Variants in DAB2IP observed in about 807,000 individuals in gnomAD.
DAB2IP encodes the protein DAB2 interacting protein.
DAB2IP carries 28 observed loss-of-function variants against 107.2 expected under a neutral mutation model. That is an observed-to-expected ratio of 0.26 (90% CI 0.19 to 0.36). The LOEUF is 0.36. Ranked by LOEUF, DAB2IP falls within the 10% of genes least tolerant of loss-of-function variation. The pLI is 1.00. For synonymous variants in DAB2IP, 755 were observed against 706.4 expected, an observed-to-expected ratio of 1.07 and a Z score of -1.09; for missense variants, 1,400 against 1,644.7, an observed-to-expected ratio of 0.85 and a Z score of 2.57.
At chr9:121,641,651 A>C (rs1589440466) in intron 1 of DAB2IP, among the ~76,000 whole-genome samples, 1 of 152,012 alleles carries the variant, frequency 6.6e-6, no homozygotes, top group East Asian at 1.9e-4. Context: ...CAGGATTTGC[A>C]CCCTGGCCTG....
Position 121,569,906 on chromosome 9 carries a change from T to C in DAB2IP, c.40+2678T>C, listed in dbSNP as rs567676490. ...CTAGGCTCAAGGGATCCTTCTGTCTTAGCCTCCTGAATAGCTGTGACTACA... is the reference window on the plus strand; with the variant it reads ...CTAGGCTCAAGGGATCCTTCTGTCTCAGCCTCCTGAATAGCTGTGACTACA... On this transcript the variant is annotated intron_variant, in intron 1 of 16. Transcript: ENST00000259371. Among the ~76,000 whole-genome samples the C allele has an allele frequency of 2.0e-5, 3 of 152,264 alleles. No individual in the cohort carries two copies. The South Asian group carries it at 6.2e-4, about 32-fold the overall frequency.
intron 1 of DAB2IP, among the ~76,000 whole-genome samples, chr9:121,578,408 A>T (rs1589372584): frequency 6.7e-6 from 1 of 148,236 alleles, no homozygotes; most frequent in African/African-American, 2.5e-5. Flanking sequence ...CCCCTTCCCC[A>T]GCAGAATGGG....
At chr9:121,693,126 T>C (rs1166047760) in intron 2 of DAB2IP, among the ~76,000 whole-genome samples, 1 of 152,170 alleles carries the variant, frequency 6.6e-6, no homozygotes, top group East Asian at 1.9e-4. Context: ...TCTTGAAGCG[T>C]GGATGCTGAA....
At chr9:121,601,903 T>C (rs74373269) in intron 1 of DAB2IP, among the ~76,000 whole-genome samples, 16 of 125,802 alleles carry the variant, frequency 1.3e-4, no homozygotes, top group South Asian at 7.7e-4. Flanking sequence ...TGTGTGTGTG[T>C]GTGCGCGTGC....
At chr9:121,781,901 C>T (rs573164706) in intron 15 of DAB2IP, among the ~76,000 whole-genome samples, 9 of 152,288 alleles carry the variant, frequency 5.9e-5, no homozygotes, top group Non-Finnish European at 8.8e-5. Flanking sequence ...CTATGGCATC[C>T]GGGCTGCATT....
At chr9:121,722,690 G>C (rs1382435370) in intron 3 of DAB2IP, among the ~76,000 whole-genome samples, 1 of 151,678 alleles carries the variant, frequency 6.6e-6, no homozygotes, top group African/African-American at 2.4e-5. Context: ...TGACAGACAG[G>C]GGGAAGAAAC....
Position 121,776,399 on chromosome 9 carries a change from C to T in DAB2IP, c.3314+8C>T, listed in dbSNP as rs1236171941. The T allele has an allele frequency of 1.3e-6, 2 of 1,527,338 alleles. No homozygotes were observed. Among genetic ancestry groups the T allele is most frequent in the African/African-American group, 1.4e-5 (1 of 72,314 alleles). The allele number at this position is 1,527,338 out of a possible 1,614,324, so 94.6% of individuals were successfully genotyped here. The stretch of plus-strand genomic sequence containing the variant: ...GAAGGGCATCATCAGCAGGTGGGGC[C>T]CACACCTGCCTGGCCTGGCCACAGG... On this transcript the variant is annotated splice_region_variant and intron_variant, in intron 14 of 15. Coordinates refer to ENST00000408936, the Ensembl canonical transcript of DAB2IP. This position sits in a 1 kb window ranked among gnomAD's most constrained non-coding sequence, Gnocchi z 5.4.
intron 1 of DAB2IP, among the ~76,000 whole-genome samples, chr9:121,581,078 T>C (rs1830185017): frequency 6.6e-6 from 1 of 152,162 alleles, no homozygotes. Flanking sequence ...ATGAATAGTT[T>C]CAGGCAGGGG....
intron 1 of DAB2IP, among the ~76,000 whole-genome samples, chr9:121,612,645 G>A (rs1414491697): frequency 6.6e-6 from 1 of 152,128 alleles, no homozygotes. Flanking sequence ...TCTCCCTTCC[G>A]AGAACCGCCA....
intron 2 of DAB2IP, among the ~76,000 whole-genome samples, chr9:121,690,814 C>T (rs1829124624): frequency 1.3e-5 from 2 of 152,200 alleles, no homozygotes; most frequent in South Asian, 2.1e-4. Flanking sequence ...GAAGGGATTA[C>T]AAGCCCAGGC....
At chr9:121,732,049 G>A (rs964463849) in intron 3 of DAB2IP, among the ~76,000 whole-genome samples, 3 of 152,146 alleles carry the variant, frequency 2.0e-5, no homozygotes, top group Non-Finnish European at 2.9e-5. Context: ...TCTCTGGGGG[G>A]CCAGGGCTGA....
rs1305245239 is a variant in DAB2IP at position 121,701,758 on chromosome 9, C to T, written c.362+2300C>T. Among the ~76,000 whole-genome samples, 1 of 152,136 alleles carries T rather than the reference C, an allele frequency of 6.6e-6. No homozygotes were observed. The highest frequency in any genetic ancestry group is 2.4e-5 in the African/African-American group (1 of 41,426). Reference sequence around the variant, plus strand: ...CAGTGAGTAAAAACAACTATGGTGACCCCGCCCGCCCCCCAGCTCATGGCC... The same window carrying T: ...CAGTGAGTAAAAACAACTATGGTGATCCCGCCCGCCCCCCAGCTCATGGCC... On this transcript the variant is annotated intron_variant, in intron 3 of 15. Coordinates refer to ENST00000408936, the Ensembl canonical transcript of DAB2IP. The surrounding 1 kb of genome is among the most constrained non-coding windows in gnomAD (Gnocchi z 4.7).
intron 1 of DAB2IP, among the ~76,000 whole-genome samples, chr9:121,663,865 C>T (rs1432151073): frequency 6.6e-6 from 1 of 152,224 alleles, no homozygotes; most frequent in Admixed American, 6.5e-5. Context: ...AGTGCCATTC[C>T]TTTCCCACAT....
chr9:121,588,550 G>A (rs1830354297), intron 1 of DAB2IP, among the ~76,000 whole-genome samples: 1 of 126,972 alleles, frequency 7.9e-6, no homozygotes, highest in Non-Finnish European at 1.8e-5. Flanking sequence ...AAAGGGGAAG[G>A]GTGAAGGGGG....
chr9:121,570,213 A>G (rs1430610836), intron 1 of DAB2IP, among the ~76,000 whole-genome samples: 1 of 148,018 alleles, frequency 6.8e-6, no homozygotes, highest in South Asian at 2.1e-4. Flanking sequence ...CCCAGGCTCA[A>G]TCCATCCTCC....
chr9:121,757,779 A>T (rs1434409225), intron 4 of DAB2IP, among the ~76,000 whole-genome samples: 2 of 150,644 alleles, frequency 1.3e-5, no homozygotes, highest in African/African-American at 5.0e-5. Context: ...TGTTCCTGGG[A>T]GTTACTAATT....
intron 3 of DAB2IP, among the ~76,000 whole-genome samples, chr9:121,747,679 C>T (rs752337484): frequency 3.3e-5 from 5 of 152,066 alleles, no homozygotes; most frequent in Admixed American, 1.3e-4. Flanking sequence ...CAGGGCACTT[C>T]GCTGTTCTGC....
chr9:121,750,980 G>A, intron 3 of DAB2IP: 2 of 166,206 alleles, frequency 1.2e-5, no homozygotes, highest in Non-Finnish European at 1.3e-5. Flanking sequence ...CGTTTCCTGG[G>A]CCCTGGGCAG....
chr9:121,782,199 A>G lies in DAB2IP; in HGVS notation c.3403-132A>G. On this transcript the variant is annotated intron_variant, in intron 15 of 15. Coordinates refer to ENST00000408936, the Ensembl canonical transcript of DAB2IP. The surrounding 1 kb of genome is among the most constrained non-coding windows in gnomAD (Gnocchi z 6.1). ...AGGCCTCTGCCTACCTTCTCTTGCC[A>G]GCTGCTCACAGCCCGGAGCCTGCCT... The G allele has an allele frequency of 7.0e-7, 1 of 1,424,436 alleles. No homozygotes were observed. The highest frequency in any genetic ancestry group is 9.3e-7 in the Non-Finnish European group (1 of 1,071,072). The allele number at this position is 1,424,436 out of a possible 1,614,324, so 88.2% of individuals were successfully genotyped here.
Sources: gnomAD v4.1 joint callset for allele counts (sites outside exome capture counted in the v4.1 genomes callset) on GRCh38, gnomAD v4.1.1 for gene constraint, Gnocchi (gnomAD v3.1) non-coding constraint, MANE v1.5 for transcripts, NCBI Gene and HGNC (gene_info 2026-07-23, HGNC 2026-07-21) for gene names.